The following NTM variants were observed in gnomAD, a reference collection of about 807,000 sequenced individuals.
NTM encodes the protein IgLON family member 2.
In NTM, 13 loss-of-function variants were observed where a neutral mutation model predicts 42.1. That is an observed-to-expected ratio of 0.31 (90% CI 0.20 to 0.49). The LOEUF (loss-of-function observed/expected upper bound fraction) is 0.49. Among genes scored for constraint, NTM ranks in the 20% least tolerant of loss-of-function variants. NTM has a pLI of 0.99. For synonymous variants in NTM, 187 were observed against 179.2 expected, an observed-to-expected ratio of 1.04 and a Z score of -0.35; for missense variants, 373 against 452.8, an observed-to-expected ratio of 0.82 and a Z score of 1.60.
At chr11:131,574,316 C>T (rs1157959525) in intron 1 of NTM, among the ~76,000 whole-genome samples, 1 of 152,192 alleles carries the variant, frequency 6.6e-6, no homozygotes, top group Non-Finnish European at 1.5e-5. Flanking sequence ...TGAGTGTCCA[C>T]AAGCCCCCAT....
intron 1 of NTM, among the ~76,000 whole-genome samples, chr11:131,381,090 C>G (rs1003684239): frequency 6.6e-6 from 1 of 152,166 alleles, no homozygotes; most frequent in African/African-American, 2.4e-5. Context: ...AAAAGTCATT[C>G]TAATGGTGAA....
intron 2 of NTM, among the ~76,000 whole-genome samples, chr11:132,108,911 G>C (rs1280927366): frequency 6.6e-6 from 1 of 152,064 alleles, no homozygotes; most frequent in African/African-American, 2.4e-5. Context: ...GTGTCCATGT[G>C]TTCTCATTGT....
chr11:131,947,717 A>G (rs2060502490), intron 2 of NTM, among the ~76,000 whole-genome samples: 1 of 152,094 alleles, frequency 6.6e-6, no homozygotes, highest in Admixed American at 6.5e-5. Flanking sequence ...AGTTACGTAT[A>G]TGGGGGTGGC....
intron 3 of NTM, among the ~76,000 whole-genome samples, chr11:132,162,347 G>C (rs1168233126): frequency 6.6e-6 from 1 of 151,712 alleles, no homozygotes; most frequent in Non-Finnish European, 1.5e-5. Context: ...GTGTGTGTTT[G>C]TGGGGCATGT....
intron 7 of NTM, among the ~76,000 whole-genome samples, chr11:132,324,567 G>T (rs2095639166): frequency 6.6e-6 from 1 of 150,866 alleles, no homozygotes; most frequent in Non-Finnish European, 1.5e-5. Context: ...TGGGTAGGAA[G>T]AATCAATATC....
intron 3 of NTM, among the ~76,000 whole-genome samples, chr11:132,175,250 C>G (rs1331450674): frequency 6.6e-6 from 1 of 152,094 alleles, no homozygotes; most frequent in Non-Finnish European, 1.5e-5. Context: ...GATCTTCTCT[C>G]AGTTCTGCAG....
intron 3 of NTM, among the ~76,000 whole-genome samples, chr11:132,188,041 C>A (rs1009999974): frequency 2.0e-5 from 3 of 152,116 alleles, no homozygotes; most frequent in African/African-American, 7.2e-5. Context: ...ATGACTTTAC[C>A]CTCCAGGGAA....
chr11:132,167,158 A>G (rs987023155), intron 3 of NTM, among the ~76,000 whole-genome samples: 4 of 152,238 alleles, frequency 2.6e-5, no homozygotes, highest in African/African-American at 9.6e-5. Flanking sequence ...TATGACTGGC[A>G]TGTACAATGA....
intron 1 of NTM, chr11:131,769,650 G>T (rs547489025): frequency 1.1e-6 from 1 of 895,762 alleles, no homozygotes; most frequent in Non-Finnish European, 1.3e-6. Flanking sequence ...GCATGAGCTC[G>T]CTTTTACAGA....
intron 4 of NTM, among the ~76,000 whole-genome samples, chr11:132,219,118 C>A (rs1254247387): frequency 6.6e-6 from 1 of 152,200 alleles, no homozygotes; most frequent in Non-Finnish European, 1.5e-5. Flanking sequence ...TTTGACTTTG[C>A]ACACCCCATC....
intron 1 of NTM, among the ~76,000 whole-genome samples, chr11:131,815,444 C>G (rs548344137): frequency 1.3e-5 from 2 of 152,316 alleles, no homozygotes; most frequent in South Asian, 4.1e-4. Context: ...CACCATCCCT[C>G]CTCCCCACAG....
intron 2 of NTM, among the ~76,000 whole-genome samples, chr11:131,984,997 T>A (rs186806661): frequency 5.3e-5 from 8 of 152,310 alleles, no homozygotes; most frequent in East Asian, 3.9e-4. Flanking sequence ...CCATTTTTTT[T>A]AATCTTCTTC....
At chr11:131,530,390 T>C (rs1328516666) in intron 1 of NTM, among the ~76,000 whole-genome samples, 1 of 147,296 alleles carries the variant, frequency 6.8e-6, no homozygotes, top group African/African-American at 2.6e-5. Context: ...ATGAATTTAC[T>C]GTGAAAGTCA....
intron 1 of NTM, among the ~76,000 whole-genome samples, chr11:131,835,799 C>T (rs1224373353): frequency 2.0e-5 from 3 of 152,074 alleles, no homozygotes; most frequent in African/African-American, 7.2e-5. Flanking sequence ...GTTTTAACTC[C>T]AAACTGGAAG....
At chr11:131,630,118 T>G (rs928145732) in intron 1 of NTM, among the ~76,000 whole-genome samples, 2 of 152,144 alleles carry the variant, frequency 1.3e-5, no homozygotes, top group African/African-American at 2.4e-5. Context: ...TCCTGCTAGC[T>G]GGAGCTTAAT....
At chr11:132,230,431 T>C (rs1270855365) in intron 4 of NTM, among the ~76,000 whole-genome samples, 1 of 152,206 alleles carries the variant, frequency 6.6e-6, no homozygotes, top group African/African-American at 2.4e-5. Flanking sequence ...GAGGTGGAGA[T>C]GGGACCTGCA....
At chr11:132,219,047 C>T (rs994648963) in intron 4 of NTM, among the ~76,000 whole-genome samples, 22 of 152,086 alleles carry the variant, frequency 1.4e-4, no homozygotes, top group African/African-American at 5.1e-4. Context: ...GTTCTAGACC[C>T]CATTTTCTCC....
chr11:131,744,785 A>C (rs951749323), intron 1 of NTM, among the ~76,000 whole-genome samples: 1 of 152,098 alleles, frequency 6.6e-6, no homozygotes, highest in African/African-American at 2.4e-5. Flanking sequence ...AACTAACTGG[A>C]CTCTCCTTAG....
chr11:131,481,982 A>G (rs2136238774), intron 1 of NTM, among the ~76,000 whole-genome samples: 1 of 152,292 alleles, frequency 6.6e-6, no homozygotes, highest in East Asian at 1.9e-4. Flanking sequence ...GATAATTAAG[A>G]TAGATGCCGC....
Sources: gnomAD v4.1 joint callset for allele counts (sites outside exome capture counted in the v4.1 genomes callset) on GRCh38, gnomAD v4.1.1 for gene constraint, MANE v1.5 for transcripts, NCBI Gene and HGNC (gene_info 2026-07-23, HGNC 2026-07-21) for gene names.